Variants in DNM3 observed in about 807,000 individuals in gnomAD.
DNM3 encodes the protein dynamin-3.
DNM3 carries 47 observed loss-of-function variants against 101.6 expected under a neutral mutation model. That is an observed-to-expected ratio of 0.46 (90% CI 0.37 to 0.59). The LOEUF (loss-of-function observed/expected upper bound fraction) is 0.59, where lower values mean the gene tolerates loss of function less well. Ranked by LOEUF, DNM3 falls within the 20% of genes least tolerant of loss-of-function variation. The probability of loss-of-function intolerance (pLI) is 0.00; values close to 1 mark genes in which losing one functional copy is unlikely to be tolerated. For missense variants in DNM3, 849 were observed against 1,085.7 expected (o/e 0.78, Z 3.06); for synonymous variants, 385 against 387.9 (o/e 0.99, Z 0.09).
chr1:172,327,213 A>T (rs1327798300), intron 17 of DNM3, among the ~76,000 whole-genome samples: 1 of 152,178 alleles, frequency 6.6e-6, no homozygotes, highest in Non-Finnish European at 1.5e-5. Flanking sequence ...ATTTCCTAAC[A>T]CGTTCAGCAA....
chr1:172,231,805 T>A (rs1246147447), intron 14 of DNM3, among the ~76,000 whole-genome samples: 1 of 152,168 alleles, frequency 6.6e-6, no homozygotes, highest in East Asian at 1.9e-4. Context: ...TGCACAAGCT[T>A]CAGTAGCCAA....
At chr1:172,069,087 G>A (rs12568081) in intron 11 of DNM3, among the ~76,000 whole-genome samples, 182 bp downstream of exon 11, 19 of 152,162 alleles carry the variant, frequency 1.2e-4, no homozygotes, top group Non-Finnish European at 2.8e-4. Context: ...TTCATATCTT[G>A]TTTATGTTAA....
chr1:172,380,215 G>A (rs2068823411), intron 18 of DNM3, among the ~76,000 whole-genome samples: 1 of 152,024 alleles, frequency 6.6e-6, no homozygotes, highest in African/African-American at 2.4e-5. Context: ...AAGTGTATCT[G>A]ACTTAGGGAT....
Position 172,125,254 on chromosome 1 carries a change from T to C in DNM3, c.1546-5921T>C, listed in dbSNP as rs374646565. On this transcript the variant is annotated intron_variant, in intron 13 of 20. Coordinates refer to ENST00000627582, the MANE Select transcript of DNM3 (RefSeq NM_015569.5). Reference sequence around the variant, plus strand: ...GACAGCTGCATAGCTGAAAAAAACTTGCATGGTCGACCATAAGTGAGATCA... The same window carrying C: ...GACAGCTGCATAGCTGAAAAAAACTCGCATGGTCGACCATAAGTGAGATCA... 9.2e-5 allele frequency among the ~76,000 whole-genome samples: 14 copies of C among 152,236 alleles called. 1 individual carries two copies. The South Asian group carries it at 2.1e-3, about 23-fold the overall frequency.
intron 1 of DNM3, among the ~76,000 whole-genome samples, chr1:171,866,248 G>T (rs1163267137): frequency 6.7e-6 from 1 of 148,542 alleles, no homozygotes; most frequent in Admixed American, 6.7e-5. Context: ...TACTCTAATC[G>T]CTCCCTTTCC....
At chr1:171,867,668 C>T (rs1164828769) in intron 1 of DNM3, among the ~76,000 whole-genome samples, 1 of 152,134 alleles carries the variant, frequency 6.6e-6, no homozygotes, top group Non-Finnish European at 1.5e-5. Context: ...ATGTTTTCAT[C>T]ATATTTATTA....
In DNM3 at chr1:172,133,177, G is replaced by A. The variant is rs1417347249; in HGVS notation, c.1659+1889G>A. On this transcript the variant is annotated intron_variant, in intron 14 of 20. Transcript: ENST00000627582. ...GCTGTTGGAGTGTGGCATTAGTCTGGCTCTGTGAGTCCTGAAAATAAGCCC... is the reference window on the plus strand; with the variant it reads ...GCTGTTGGAGTGTGGCATTAGTCTGACTCTGTGAGTCCTGAAAATAAGCCC... 3.1e-6 allele frequency: 4 copies of A among 1,296,900 alleles called. No homozygotes were observed. The East Asian group carries it at 1.3e-4, about 41-fold the overall frequency. The allele number at this position is 1,296,900 out of a possible 1,614,324, so 80.3% of individuals were successfully genotyped here. A position where few individuals can be genotyped will look rare whatever the true frequency, so the allele number is the denominator to read the frequency against.
At chr1:171,963,815 G>C (rs899839431) in intron 2 of DNM3, among the ~76,000 whole-genome samples, 3 of 151,244 alleles carry the variant, frequency 2.0e-5, no homozygotes, top group African/African-American at 7.3e-5. Context: ...CTAAGAGATT[G>C]TTTTCAAAGC....
chr1:171,935,915 CTGAGGG>C lies in DNM3; in HGVS notation c.235+14096_235+14101del, dbSNP rs1393212216. On this transcript the variant is annotated intron_variant, in intron 2 of 20. Coordinates refer to ENST00000627582, the MANE Select transcript of DNM3 (RefSeq NM_015569.5). ...TGTCAAACTGAGAAAGCAAATGTGC[CTGAGGG>C]TAATTTGATGAACTCCTGAGCACAT... is the stretch of plus-strand genomic sequence containing the variant. 5.3e-5 allele frequency among the ~76,000 whole-genome samples: 8 copies of C among 151,114 alleles called. No homozygotes were observed. In the South Asian group the frequency reaches 1.3e-3, roughly 24 times the overall value.
chr1:171,878,143 A>G (rs1013593702), intron 1 of DNM3, among the ~76,000 whole-genome samples: 50 of 152,210 alleles, frequency 3.3e-4, no homozygotes, highest in Middle Eastern at 3.2e-3. Flanking sequence ...ATGAAAGAGT[A>G]GGTATTAAAG....
intron 17 of DNM3, among the ~76,000 whole-genome samples, chr1:172,329,905 C>G (rs1349694931): frequency 6.6e-6 from 1 of 152,046 alleles, no homozygotes; most frequent in East Asian, 1.9e-4. Flanking sequence ...CACTAGGAAC[C>G]AAGAAGTGTA....
intron 1 of DNM3, among the ~76,000 whole-genome samples, chr1:171,921,260 A>G (rs1204519745): frequency 6.6e-6 from 1 of 151,652 alleles, no homozygotes; most frequent in Admixed American, 6.6e-5. Flanking sequence ...GTTTCCTTTT[A>G]TTGGAGAAAA....
At chr1:172,144,114 A>G (rs1042183144) in intron 14 of DNM3, among the ~76,000 whole-genome samples, 3 of 152,086 alleles carry the variant, frequency 2.0e-5, no homozygotes, top group African/African-American at 2.4e-5. Context: ...AGTGTCTGGA[A>G]TGAGTTTTTT....
chr1:171,851,191 C>G (rs934414106), intron 1 of DNM3, among the ~76,000 whole-genome samples: 2 of 152,134 alleles, frequency 1.3e-5, no homozygotes, highest in Admixed American at 6.5e-5. Context: ...AGGAATCTAC[C>G]GAACAGTTGG....
At chr1:171,942,318 A>G (rs2041873822) in intron 2 of DNM3, among the ~76,000 whole-genome samples, 1 of 150,416 alleles carries the variant, frequency 6.6e-6, no homozygotes, top group African/African-American at 2.4e-5. Context: ...GCCTATTCCA[A>G]GGAACCATAT....
intron 8 of DNM3, 62 bp from the exon 9 acceptor site, chr1:172,044,323 T>C: frequency 2.2e-6 from 3 of 1,365,194 alleles, no homozygotes; most frequent in Non-Finnish European, 3.0e-6. Flanking sequence ...CATTCTGTAA[T>C]GTTCAACAAT....
At chr1:172,231,815 A>G (rs1010791463) in intron 14 of DNM3, among the ~76,000 whole-genome samples, 17 of 152,244 alleles carry the variant, frequency 1.1e-4, no homozygotes, top group Non-Finnish European at 2.4e-4. Flanking sequence ...TCAGTAGCCA[A>G]TTCGATCAAA....
intron 1 of DNM3, among the ~76,000 whole-genome samples, chr1:171,892,136 A>G (rs371374518): frequency 6.6e-6 from 1 of 151,788 alleles, no homozygotes; most frequent in East Asian, 1.9e-4. Context: ...AGTTGGTTCT[A>G]TGTCCGTTTG....
At chr1:172,289,697 T>A (rs879754256) in intron 15 of DNM3, 9 of 984,746 alleles carry the variant, frequency 9.1e-6, no homozygotes, top group Admixed American at 6.2e-5. Context: ...TGATTGTGAT[T>A]TTGTCTCTGA....
Sources: gnomAD v4.1 joint callset for allele counts (sites outside exome capture counted in the v4.1 genomes callset) on GRCh38, gnomAD v4.1.1 for gene constraint, MANE v1.5 for transcripts, NCBI Gene and HGNC (gene_info 2026-07-23, HGNC 2026-07-21) for gene names.